RIT2: variants seen among roughly 807,000 people sequenced by gnomAD.
RIT2 encodes the protein Ras like without CAAX 2.
Under a neutral mutation model 23.7 loss-of-function variants are expected in RIT2, and 24 were observed. That is an observed-to-expected ratio of 1.01 (90% CI 0.73 to 1.43). RIT2 has a LOEUF of 1.43. Ranked by LOEUF, RIT2 falls within the 40% of genes most tolerant of loss-of-function variation. The pLI is 0.00. For synonymous variants in RIT2, 107 were observed against 91.1 expected (o/e 1.17, Z -0.99); for missense variants, 236 against 266.9 (o/e 0.88, Z 0.81).
intron 1 of RIT2, among the ~76,000 whole-genome samples, chr18:43,082,615 C>A (rs759231206): frequency 6.6e-6 from 1 of 151,798 alleles, no homozygotes; most frequent in Non-Finnish European, 1.5e-5. Flanking sequence ...TAAACAGAAC[C>A]AATGACAAAA....
chr18:42,924,310 A>C (rs1275868997), intron 3 of RIT2, among the ~76,000 whole-genome samples: 1 of 152,258 alleles, frequency 6.6e-6, no homozygotes, highest in African/African-American at 2.4e-5. Flanking sequence ...GAATGGAAAA[A>C]GTTATTAGCA....
chr18:43,047,113 T>C (rs758575829), intron 1 of RIT2, among the ~76,000 whole-genome samples: 5 of 152,194 alleles, frequency 3.3e-5, no homozygotes, highest in Admixed American at 6.5e-5. Flanking sequence ...GGACTAGTTG[T>C]CTGTATGACT....
At chr18:42,888,639 G>T (rs1908092463) in intron 4 of RIT2, among the ~76,000 whole-genome samples, 1 of 151,678 alleles carries the variant, frequency 6.6e-6, no homozygotes, top group African/African-American at 2.4e-5. Flanking sequence ...ATTCACAATA[G>T]CAAAGACATG....
At chr18:43,031,606 CAAAT>C (rs1286445511) in intron 2 of RIT2, among the ~76,000 whole-genome samples, 7 of 151,944 alleles carry the variant, frequency 4.6e-5, no homozygotes, top group Non-Finnish European at 8.8e-5. Context: ...ACACTGGTAT[CAAAT>C]AATATATCTA....
chr18:42,991,175 C>T (rs1910838463), intron 2 of RIT2, among the ~76,000 whole-genome samples: 1 of 152,142 alleles, frequency 6.6e-6, no homozygotes. Context: ...ATGATTGAGA[C>T]AGAAGCAGCA....
chr18:42,751,705 T>C (rs565830022), intron 4 of RIT2, among the ~76,000 whole-genome samples: 2 of 152,018 alleles, frequency 1.3e-5, no homozygotes, highest in Non-Finnish European at 2.9e-5. Context: ...TTTCACATGA[T>C]CTTAGATTTA....
intron 4 of RIT2, among the ~76,000 whole-genome samples, chr18:42,890,673 C>T (rs889216499): frequency 3.3e-5 from 5 of 151,952 alleles, no homozygotes; most frequent in African/African-American, 9.7e-5. Flanking sequence ...TCTTGTTAAA[C>T]GTTTACTAAA....
chr18:42,997,509 G>A (rs571862655), intron 2 of RIT2, among the ~76,000 whole-genome samples: 1 of 152,104 alleles, frequency 6.6e-6, no homozygotes, highest in Non-Finnish European at 1.5e-5. Context: ...ACAGGAAACT[G>A]ACTTGGAGTT....
intron 4 of RIT2, among the ~76,000 whole-genome samples, chr18:42,818,550 A>G (rs1304457960): frequency 6.6e-6 from 1 of 152,074 alleles, no homozygotes; most frequent in Non-Finnish European, 1.5e-5. Context: ...CTAATTTTTG[A>G]CCTTGAATGT....
chr18:42,944,211 G>C (rs549450569), intron 3 of RIT2, among the ~76,000 whole-genome samples: 12 of 152,028 alleles, frequency 7.9e-5, no homozygotes, highest in African/African-American at 2.9e-4. Context: ...GTCACTTACC[G>C]AGCCTCACTT....
At chr18:42,909,882 T>C (rs1420013874) in intron 4 of RIT2, among the ~76,000 whole-genome samples, 1 of 152,044 alleles carries the variant, frequency 6.6e-6, no homozygotes, top group African/African-American at 2.4e-5. Context: ...CCATCCTTCA[T>C]TTCATGAGTT....
intron 4 of RIT2, among the ~76,000 whole-genome samples, chr18:42,921,306 TGTTTTCATG>T (rs1909050642): frequency 6.6e-6 from 1 of 152,174 alleles, no homozygotes; most frequent in Non-Finnish European, 1.5e-5. Context: ...TTGCAATTTG[TGTTTTCATG>T]GTTTTCGCAC....
chr18:42,924,203 A>G (rs1421507198), intron 3 of RIT2, among the ~76,000 whole-genome samples: 4 of 152,176 alleles, frequency 2.6e-5, no homozygotes, highest in Non-Finnish European at 5.9e-5. Context: ...TGGTTTGTAT[A>G]GGGGATTTGC....
intron 2 of RIT2, among the ~76,000 whole-genome samples, chr18:43,007,589 G>A (rs1311904208): frequency 6.6e-6 from 1 of 151,614 alleles, no homozygotes; most frequent in East Asian, 2.0e-4. Context: ...AGCTATCAAA[G>A]TCTACTAGAG....
intron 4 of RIT2, among the ~76,000 whole-genome samples, chr18:42,815,480 G>A (rs561407991): frequency 2.0e-5 from 3 of 152,252 alleles, no homozygotes; most frequent in African/African-American, 7.2e-5. Flanking sequence ...TATGTTAAAC[G>A]ACCAAACTTA....
intron 1 of RIT2, among the ~76,000 whole-genome samples, chr18:43,034,946 A>G (rs903158865): frequency 1.3e-5 from 2 of 152,054 alleles, no homozygotes; most frequent in African/African-American, 4.8e-5. Context: ...ACATCTCTGC[A>G]TGTCCTTTCT....
At chr18:42,878,065 T>A (rs545172047) in intron 4 of RIT2, among the ~76,000 whole-genome samples, 1 of 151,306 alleles carries the variant, frequency 6.6e-6, no homozygotes, top group East Asian at 1.9e-4. Flanking sequence ...TAAGAGATAC[T>A]CAAACTGTAT....
chr18:42,911,415 C>G (rs1450923564), intron 4 of RIT2, among the ~76,000 whole-genome samples: 1 of 151,796 alleles, frequency 6.6e-6, no homozygotes, highest in Non-Finnish European at 1.5e-5. Context: ...AATCGGTAAA[C>G]TTTTAGCAAG....
intron 4 of RIT2, among the ~76,000 whole-genome samples, chr18:42,788,290 T>C (rs1425432106): frequency 1.3e-5 from 2 of 152,132 alleles, no homozygotes; most frequent in Non-Finnish European, 2.9e-5. Context: ...GACACTAAGT[T>C]GGGAGAGGGA....
Sources: gnomAD v4.1 joint callset for allele counts (sites outside exome capture counted in the v4.1 genomes callset) on GRCh38, gnomAD v4.1.1 for gene constraint, MANE v1.5 for transcripts, NCBI Gene and HGNC (gene_info 2026-07-23, HGNC 2026-07-21) for gene names.